Variants in ZMAT4 observed in about 807,000 individuals in gnomAD.
ZMAT4 encodes zinc finger matrin-type 4.
In ZMAT4, 17 loss-of-function variants were observed where a neutral mutation model predicts 28.7. The observed-to-expected ratio is 0.59, with a 90% CI of 0.41 to 0.89. The LOEUF is 0.89. ZMAT4 is among the 40% of genes least tolerant of loss of function. ZMAT4 has a pLI of 0.00. For missense variants in ZMAT4, 240 were observed against 283.8 expected (o/e 0.85, Z 1.11); for synonymous variants, 117 against 109.2 (o/e 1.07, Z -0.44).
At chr8:40,703,457 A>C (rs1399688983) in intron 3 of ZMAT4, among the ~76,000 whole-genome samples, 1 of 152,206 alleles carries the variant, frequency 6.6e-6, no homozygotes, top group Non-Finnish European at 1.5e-5. Flanking sequence ...ATGCTAAATA[A>C]AAGAAGCCAA....
At chr8:40,576,790 C>G (rs527278276) in intron 6 of ZMAT4, among the ~76,000 whole-genome samples, 1 of 152,116 alleles carries the variant, frequency 6.6e-6, no homozygotes, top group Non-Finnish European at 1.5e-5. Flanking sequence ...TACGAAAAAC[C>G]ACCAAACTGC....
rs139585189 is a variant in ZMAT4, at chr8:40,734,025, G to A, written c.192+33616C>T. 7.0e-3 allele frequency among the ~76,000 whole-genome samples: 1,068 copies of A among 152,282 alleles called. 8 individuals carry two copies. The highest frequency in any genetic ancestry group is 0.012 in the Non-Finnish European group (813 of 68,014). ...AGAAATTCAAGGAGAGTTCCACAAGGAAGGTAGTTCCTAGGTAAGACTCAA... is the reference window on the plus strand; with the variant it reads ...AGAAATTCAAGGAGAGTTCCACAAGAAAGGTAGTTCCTAGGTAAGACTCAA... On this transcript the variant is annotated intron_variant, in intron 3 of 6. Transcript: ENST00000297737.
chr8:40,708,441 G>A (rs1310098889), intron 3 of ZMAT4, among the ~76,000 whole-genome samples: 3 of 152,022 alleles, frequency 2.0e-5, no homozygotes, highest in Admixed American at 6.6e-5. Flanking sequence ...TAAAACTGAG[G>A]ACAAAAACAA....
intron 2 of ZMAT4, among the ~76,000 whole-genome samples, chr8:40,809,582 G>A (rs1438468236): frequency 1.3e-5 from 2 of 152,044 alleles, no homozygotes; most frequent in African/African-American, 4.8e-5. Flanking sequence ...CAAAATAATG[G>A]AAAGAAAAAA....
At chr8:40,764,966 G>A (rs997794510) in intron 3 of ZMAT4, among the ~76,000 whole-genome samples, 3 of 151,614 alleles carry the variant, frequency 2.0e-5, no homozygotes, top group African/African-American at 4.9e-5. Flanking sequence ...TGAGGAGCGG[G>A]GTCTATAGGT....
chr8:40,725,548 A>G (rs1811283296), intron 3 of ZMAT4, among the ~76,000 whole-genome samples: 2 of 152,178 alleles, frequency 1.3e-5, no homozygotes, highest in East Asian at 1.9e-4. Context: ...TTAGTCTAAG[A>G]TGCATGTGCT....
chr8:40,602,527 A>T (rs945644052), intron 5 of ZMAT4, among the ~76,000 whole-genome samples: 1 of 152,180 alleles, frequency 6.6e-6, no homozygotes, highest in Non-Finnish European at 1.5e-5. Context: ...CATCCATGCC[A>T]ATCACTATAT....
chr8:40,737,671 C>T (rs901003270), intron 3 of ZMAT4, among the ~76,000 whole-genome samples: 10 of 152,034 alleles, frequency 6.6e-5, no homozygotes, highest in Non-Finnish European at 1.5e-4. Flanking sequence ...GAGAAGCCTG[C>T]GTAAACTTGC....
At chr8:40,865,859 C>T (rs1268435481) in intron 1 of ZMAT4, among the ~76,000 whole-genome samples, 1 of 152,122 alleles carries the variant, frequency 6.6e-6, no homozygotes, top group Non-Finnish European at 1.5e-5. Flanking sequence ...GCAATCTGAT[C>T]GTCCCAACCA....
At chr8:40,568,773 G>A (rs548082845) in intron 6 of ZMAT4, among the ~76,000 whole-genome samples, 41 of 152,128 alleles carry the variant, frequency 2.7e-4, no homozygotes, top group African/African-American at 9.4e-4. Flanking sequence ...ATAGGTTCAG[G>A]ACTGAACCCA....
At chr8:40,576,038 TA>T (rs199661616) in intron 6 of ZMAT4, among the ~76,000 whole-genome samples, 1,643 of 151,380 alleles carry the variant, frequency 0.011, 29 homozygotes, top group African/African-American at 0.038. Flanking sequence ...ATCAAGAACA[TA>T]AAAAAACCAG....
chr8:40,831,364 C>T (rs1193259096), intron 1 of ZMAT4, among the ~76,000 whole-genome samples: 1 of 152,178 alleles, frequency 6.6e-6, no homozygotes, highest in Non-Finnish European at 1.5e-5. Flanking sequence ...CACAAGTGCT[C>T]ACCTCCCATG....
intron 3 of ZMAT4, among the ~76,000 whole-genome samples, chr8:40,708,571 T>TCTCTCTCTCTC (rs1810463131): frequency 5.0e-5 from 6 of 120,978 alleles, no homozygotes; most frequent in Non-Finnish European, 1.0e-4. Context: ...TACACACTCT[T>TCTCTCTCTCTC]TCTCTCTCTC....
intron 6 of ZMAT4, among the ~76,000 whole-genome samples, chr8:40,533,917 G>T (rs1418170812): frequency 1.3e-5 from 2 of 152,112 alleles, no homozygotes; most frequent in African/African-American, 2.4e-5. Context: ...TTCTCACTGA[G>T]CAAATAAGTA....
At chr8:40,725,126 A>C (rs1811266912) in intron 3 of ZMAT4, among the ~76,000 whole-genome samples, 1 of 152,152 alleles carries the variant, frequency 6.6e-6, no homozygotes, top group Non-Finnish European at 1.5e-5. Context: ...GAAGTCATCA[A>C]AAATTCCTAG....
chr8:40,595,669 T>C (rs994548813), intron 5 of ZMAT4, among the ~76,000 whole-genome samples: 7 of 152,108 alleles, frequency 4.6e-5, no homozygotes, highest in African/African-American at 1.7e-4. Context: ...AAATATAGCA[T>C]AAAAATAAGA....
chr8:40,874,402 T>C (rs1447595208), intron 1 of ZMAT4, among the ~76,000 whole-genome samples: 1 of 152,226 alleles, frequency 6.6e-6, no homozygotes, highest in African/African-American at 2.4e-5. Flanking sequence ...AAGAAAGTGT[T>C]TGTTTTGGTT....
At chr8:40,662,938 GC>G (rs1481197971) in intron 5 of ZMAT4, among the ~76,000 whole-genome samples, 2 of 152,016 alleles carry the variant, frequency 1.3e-5, no homozygotes, top group East Asian at 3.9e-4. Flanking sequence ...TCTCCTCCAG[GC>G]CCTCAGCAGG....
At chr8:40,561,089 T>C (rs577892030) in intron 6 of ZMAT4, among the ~76,000 whole-genome samples, 13 of 152,322 alleles carry the variant, frequency 8.5e-5, no homozygotes, top group African/African-American at 2.9e-4. Context: ...GAAAAGATCG[T>C]CTTTGATTTA....
Sources: allele counts gnomAD v4.1 joint callset (sites outside exome capture counted in the v4.1 genomes callset), GRCh38; gene constraint gnomAD v4.1.1; transcripts MANE v1.5; gene names NCBI Gene and HGNC (gene_info 2026-07-23, HGNC 2026-07-21).